The following PTPRD variants were observed in gnomAD, a reference collection of about 807,000 sequenced individuals.
PTPRD encodes the protein protein tyrosine phosphatase receptor type D, also known as receptor-type tyrosine-protein phosphatase delta.
A neutral mutation model predicts 214.5 loss-of-function variants in PTPRD; 34 were observed. The observed-to-expected ratio is 0.16, with a 90% CI of 0.12 to 0.21. PTPRD has a LOEUF of 0.21. Ranked by LOEUF, PTPRD falls within the 10% of genes least tolerant of loss-of-function variation. The pLI, the probability that PTPRD is intolerant of heterozygous loss-of-function variation, is 1.00. For synonymous variants in PTPRD, 1,128 were observed against 845.7 expected (o/e 1.33, Z -5.79); for missense variants, 2,545 against 2,398.7 (o/e 1.06, Z -1.27).
At chr9:8,411,514 G>T (rs954905612) in intron 35 of PTPRD, among the ~76,000 whole-genome samples, 3 of 152,112 alleles carry the variant, frequency 2.0e-5, no homozygotes. Context: ...ATGTTGGCCA[G>T]GCTAGTCTCG....
intron 14 of PTPRD, among the ~76,000 whole-genome samples, chr9:8,629,505 ACT>A (rs1754931377): frequency 6.6e-6 from 1 of 151,652 alleles, no homozygotes; most frequent in South Asian, 2.1e-4. Context: ...TTCTTACAAC[ACT>A]CTCTCTGGTC....
At chr9:9,720,713 T>C (rs2097920209) in intron 7 of PTPRD, among the ~76,000 whole-genome samples, 1 of 152,202 alleles carries the variant, frequency 6.6e-6, no homozygotes, top group South Asian at 2.1e-4. Flanking sequence ...TGCAGTACTA[T>C]TCACAATAGC....
intron 11 of PTPRD, chr9:8,860,740 G>A (rs749018075): frequency 6.6e-6 from 1 of 152,190 alleles, no homozygotes; most frequent in African/African-American, 2.4e-5. Context: ...AAGAACATCA[G>A]AAGCAGGCTA....
chr9:10,300,096 C>T (rs2095814544), intron 3 of PTPRD, among the ~76,000 whole-genome samples: 1 of 152,112 alleles, frequency 6.6e-6, no homozygotes, highest in Non-Finnish European at 1.5e-5. Context: ...CCATTCCATC[C>T]TGATAGTCTG....
chr9:9,983,071 A>T (rs1272206220), intron 4 of PTPRD, among the ~76,000 whole-genome samples: 1 of 152,184 alleles, frequency 6.6e-6, no homozygotes, highest in Non-Finnish European at 1.5e-5. Context: ...AAAAAAAAAA[A>T]AAAACTTTAT....
chr9:9,185,811 T>A (rs540599043), intron 9 of PTPRD, among the ~76,000 whole-genome samples: 2 of 152,154 alleles, frequency 1.3e-5, no homozygotes, highest in South Asian at 4.1e-4. Flanking sequence ...AAACATGCGT[T>A]GGATTTACTA....
At chr9:8,775,006 C>T (rs184623107) in intron 11 of PTPRD, among the ~76,000 whole-genome samples, 186 of 152,218 alleles carry the variant, frequency 1.2e-3, no homozygotes, top group African/African-American at 4.2e-3. Context: ...CAGAAAGGAA[C>T]AATTTTTGAT....
intron 3 of PTPRD, among the ~76,000 whole-genome samples, chr9:10,070,092 C>T (rs1469424628): frequency 6.6e-6 from 1 of 151,938 alleles, no homozygotes; most frequent in Non-Finnish European, 1.5e-5. Flanking sequence ...AAGGTAATTC[C>T]CTTGCTCAGT....
intron 11 of PTPRD, among the ~76,000 whole-genome samples, chr9:8,843,012 T>C (rs1184853911): frequency 6.6e-6 from 1 of 152,090 alleles, no homozygotes; most frequent in Non-Finnish European, 1.5e-5. Flanking sequence ...TCTCACAGCA[T>C]CCTATTTAGA....
chr9:10,385,407 T>C (rs1188535267), intron 2 of PTPRD, among the ~76,000 whole-genome samples: 1 of 151,836 alleles, frequency 6.6e-6, no homozygotes, highest in East Asian at 1.9e-4. Flanking sequence ...CTGTGAATGA[T>C]GAGAATATAA....
chr9:10,241,244 C>G (rs1360988406), intron 3 of PTPRD, among the ~76,000 whole-genome samples: 1 of 151,868 alleles, frequency 6.6e-6, no homozygotes, highest in Non-Finnish European at 1.5e-5. Flanking sequence ...TCATATGCTA[C>G]TAGTGGGAAT....
chr9:10,476,503 G>GA (rs201414377), intron 2 of PTPRD, among the ~76,000 whole-genome samples: 1 of 151,946 alleles, frequency 6.6e-6, no homozygotes, highest in Non-Finnish European at 1.5e-5. Context: ...CAAACAAATG[G>GA]AAAAAACATT....
rs143541337 is a variant in PTPRD at position 8,666,293 on chromosome 9, T to G, written c.65-29449A>C. ...TATGATTCATTTCAAATATTTTAAGTGTTAAGTCAACATTCAATGCAGGAT... is the reference window on the plus strand; with the variant it reads ...TATGATTCATTTCAAATATTTTAAGGGTTAAGTCAACATTCAATGCAGGAT... On this transcript the variant is annotated intron_variant, in intron 12 of 45. Coordinates refer to ENST00000381196, the MANE Select transcript of PTPRD (RefSeq NM_002839.4). Among the ~76,000 whole-genome samples, 26 of 152,302 alleles carry G rather than the reference T, an allele frequency of 1.7e-4. No homozygotes were observed. The East Asian group carries it at 5.0e-3, about 29-fold the overall frequency.
rs75979925 is a variant in PTPRD, at chr9:9,188,500, T to C, written c.-202-5137A>G. ...CTGCAATATATGAGTGTTTCTGTTGTATAACATCTTTGCCAATAGTTGGTA... is the reference window on the plus strand; with the variant it reads ...CTGCAATATATGAGTGTTTCTGTTGCATAACATCTTTGCCAATAGTTGGTA... On this transcript the variant is annotated intron_variant, in intron 9 of 45. Transcript: ENST00000381196. 6.6e-3 allele frequency among the ~76,000 whole-genome samples: 1,002 copies of C among 152,254 alleles called. 8 individuals are homozygous for C. Among genetic ancestry groups the C allele is most frequent in the African/African-American group, 0.022 (926 of 41,570 alleles).
At chr9:9,887,836 C>T (rs1023847788) in intron 5 of PTPRD, among the ~76,000 whole-genome samples, 4 of 152,030 alleles carry the variant, frequency 2.6e-5, no homozygotes, top group Non-Finnish European at 4.4e-5. Context: ...TCAGCTGACA[C>T]GTATTTATGG....
At chr9:10,211,388 T>C (rs1244179149) in intron 3 of PTPRD, among the ~76,000 whole-genome samples, 2 of 152,138 alleles carry the variant, frequency 1.3e-5, no homozygotes, top group South Asian at 2.1e-4. Context: ...TCAAAGATAA[T>C]TGTCTAAATT....
At chr9:9,045,719 T>C (rs1238550993) in intron 10 of PTPRD, among the ~76,000 whole-genome samples, 1 of 152,194 alleles carries the variant, frequency 6.6e-6, no homozygotes, top group Admixed American at 6.5e-5. Context: ...GAACACATTG[T>C]CTTCCTGTTC....
intron 3 of PTPRD, among the ~76,000 whole-genome samples, chr9:10,250,873 T>A (rs1275555018): frequency 6.6e-6 from 1 of 151,872 alleles, no homozygotes; most frequent in Non-Finnish European, 1.5e-5. Flanking sequence ...TAAATATATA[T>A]AATTATGAGG....
intron 3 of PTPRD, among the ~76,000 whole-genome samples, chr9:10,141,445 T>C (rs988868500): frequency 4.0e-5 from 6 of 151,758 alleles, no homozygotes; most frequent in Non-Finnish European, 5.9e-5. Flanking sequence ...CAAGCACTCT[T>C]ATACAACAAC....
Sources: allele counts gnomAD v4.1 joint callset (sites outside exome capture counted in the v4.1 genomes callset), GRCh38; gene constraint gnomAD v4.1.1; transcripts MANE v1.5; gene names NCBI Gene and HGNC (gene_info 2026-07-23, HGNC 2026-07-21).